The following PIEZO2 variants were observed in gnomAD, a reference collection of about 807,000 sequenced individuals.
PIEZO2 encodes piezo type mechanosensitive ion channel component 2, also known as piezo-type mechanosensitive ion channel component 2.
Under a neutral mutation model 337.3 loss-of-function variants are expected in PIEZO2, and 172 were observed. The observed-to-expected ratio is 0.51, with a 90% confidence interval of 0.45 to 0.58. PIEZO2 has a LOEUF of 0.58. PIEZO2 is among the 20% of genes least tolerant of loss of function. The pLI, the probability that PIEZO2 is intolerant of heterozygous loss-of-function variation, is 0.00. For missense variants in PIEZO2, 3,028 were observed against 3,391.3 expected (o/e 0.89, Z 2.66); for synonymous variants, 1,251 against 1,228.5 (o/e 1.02, Z -0.38).
At chr18:10,893,954 GC>G (rs2042824738) in intron 4 of PIEZO2, among the ~76,000 whole-genome samples, 1 of 152,140 alleles carries the variant, frequency 6.6e-6, no homozygotes, top group South Asian at 2.1e-4. Flanking sequence ...GGAGAGGATT[GC>G]CCCCACCCGC....
At position 10,899,708 on chromosome 18, in the gene PIEZO2, G is replaced by A. The variant is rs1379596793; in HGVS notation, c.329+11478C>T. Among the ~76,000 whole-genome samples, 1 of 152,108 alleles carries A rather than the reference G, an allele frequency of 6.6e-6. No homozygotes were observed. The highest frequency in any genetic ancestry group is 2.4e-5 in the African/African-American group (1 of 41,408). On this transcript the variant is annotated intron_variant, in intron 4 of 55. Coordinates refer to ENST00000674853, the MANE Select transcript of PIEZO2 (RefSeq NM_001378183.1). The surrounding 1 kb of genome is among the most constrained non-coding windows in gnomAD (Gnocchi z 4.6). ...AAACAGCATGAATTTCCTGTCTACT[G>A]TTCATCATGCTGTCTACACCAAGAC...
At chr18:11,087,949 T>C (rs1412080779) in intron 1 of PIEZO2, among the ~76,000 whole-genome samples, 4 of 152,276 alleles carry the variant, frequency 2.6e-5, no homozygotes, top group African/African-American at 9.6e-5. Flanking sequence ...TCTGTTCACC[T>C]TCAAATGAAG....
intron 2 of PIEZO2, among the ~76,000 whole-genome samples, chr18:11,000,562 C>G (rs2035495001): frequency 6.6e-6 from 1 of 152,164 alleles, no homozygotes; most frequent in Admixed American, 6.5e-5. Context: ...CACTCCTTTC[C>G]TCCTTCTAAA....
At chr18:11,019,958 T>C (rs1598838506) in intron 2 of PIEZO2, among the ~76,000 whole-genome samples, 6 of 152,308 alleles carry the variant, frequency 3.9e-5, no homozygotes, top group Admixed American at 3.9e-4. Context: ...GCCGAGCACA[T>C]GTACAATAAG....
intron 36 of PIEZO2, among the ~76,000 whole-genome samples, chr18:10,720,361 TTCTGTGTGTG>T (rs2036222133): frequency 1.5e-5 from 1 of 67,266 alleles, no homozygotes; most frequent in Non-Finnish European, 2.9e-5. Context: ...CCTATATATA[TTCTGTGTGTG>T]TGTGTGTGTG....
At position 10,696,002 on chromosome 18, in the gene PIEZO2, C is replaced by T. The variant is rs1465647300; in HGVS notation, c.7190+72G>A. 10 of 1,406,864 alleles carry T rather than the reference C, an allele frequency of 7.1e-6. No homozygotes were observed. The African/African-American group carries it at 1.4e-4, about 20-fold the overall frequency. The allele number at this position is 1,406,864 out of a possible 1,614,324, so 87.1% of individuals were successfully genotyped here. ...TGGCCAGCAGTTCTGCTGTGCAATGCATGCGAGTATCACCTCAGGAAACAC... is the reference window on the plus strand; with the variant it reads ...TGGCCAGCAGTTCTGCTGTGCAATGTATGCGAGTATCACCTCAGGAAACAC... On this transcript the variant is annotated intron_variant, in intron 47 of 55. Coordinates refer to ENST00000674853, the MANE Select transcript of PIEZO2 (RefSeq NM_001378183.1).
chr18:10,897,877 C>T (rs1273920749), intron 4 of PIEZO2, among the ~76,000 whole-genome samples: 5 of 152,136 alleles, frequency 3.3e-5, no homozygotes, highest in East Asian at 3.9e-4. Context: ...TCCTTTTATA[C>T]AGGAAATGAT....
intron 2 of PIEZO2, among the ~76,000 whole-genome samples, chr18:10,994,584 A>G (rs1453485714): frequency 6.7e-6 from 1 of 149,842 alleles, no homozygotes; most frequent in Admixed American, 6.6e-5. Context: ...TTTTTTTTGT[A>G]TTTTTAGTAG....
rs947937469 is a variant in PIEZO2 at position 10,705,577 on chromosome 18, C to A, written c.5758G>T (p.Ala1920Ser). Residue 1920 changes from alanine to serine, a missense_variant, in exon 41 of 56, where the codon GCC (alanine) becomes TCC (serine). Transcript: ENST00000674853. ...AGCTCTTCCTCTGGGGTGAGGCTGG[C>A]CTCCTCGGCACCCATGGCTCCCACA... Reference protein sequence around the residue: ...YDVGAMGAEEASLTPEEELTQ... With the variant: ...YDVGAMGAEESSLTPEEELTQ... The A allele has an allele frequency of 2.0e-6, 3 of 1,537,218 alleles. No homozygotes were observed. Among genetic ancestry groups the A allele is most frequent in the Non-Finnish European group, 1.7e-6 (2 of 1,146,898 alleles).
At chr18:10,700,247 T>C (rs181687377) in intron 43 of PIEZO2, among the ~76,000 whole-genome samples, 42 of 152,280 alleles carry the variant, frequency 2.8e-4, no homozygotes, top group African/African-American at 9.1e-4. Context: ...TTATCAAATA[T>C]ACAGCAATTT....
chr18:11,072,066 C>A (rs1192846838), intron 1 of PIEZO2, among the ~76,000 whole-genome samples: 2 of 152,112 alleles, frequency 1.3e-5, no homozygotes, highest in African/African-American at 4.8e-5. Context: ...CAGGACCATA[C>A]CCTCCTCCAA....
intron 7 of PIEZO2, among the ~76,000 whole-genome samples, chr18:10,838,321 T>A (rs1335988424): frequency 6.6e-6 from 1 of 152,226 alleles, no homozygotes. Context: ...CATGTTTCCA[T>A]GCCAAACCCA....
At chr18:10,848,826 T>G (rs1409640365) in intron 7 of PIEZO2, among the ~76,000 whole-genome samples, 2 of 152,198 alleles carry the variant, frequency 1.3e-5, no homozygotes, top group Non-Finnish European at 2.9e-5. Flanking sequence ...GAAATAAATC[T>G]ATAGGTTCCA....
At chr18:10,887,736 C>A (rs1173168658) in intron 4 of PIEZO2, among the ~76,000 whole-genome samples, 5 of 152,164 alleles carry the variant, frequency 3.3e-5, no homozygotes, top group Non-Finnish European at 5.9e-5. Context: ...GGGACAACTC[C>A]TCAGTCTTTC....
Position 10,780,345 on chromosome 18 carries a change from G to A in PIEZO2, c.2514C>T (p.Arg838=), listed in dbSNP as rs754519014. The change falls in exon 18 of 56, where the codon CGC becomes CGT. Residue 838 remains arginine, a synonymous_variant. Transcript: ENST00000674853. ...TIYSHAKVNG[R]VYLIINSIKK... ...CCCACCTATTTATTATTAGATATACGCGACCATTGACTTTGGCATGGCTAC... is the reference window on the plus strand; with the variant it reads ...CCCACCTATTTATTATTAGATATACACGACCATTGACTTTGGCATGGCTAC... The A allele has an allele frequency of 3.1e-5, 22 of 702,742 alleles. No individual in the cohort carries two copies. The highest frequency in any genetic ancestry group is 1.6e-4 in the African/African-American group (9 of 57,218). 43.5% of individuals were successfully genotyped at this position (702,742 alleles called of 1,614,324 possible).
rs538916322 is a variant in PIEZO2 at position 10,857,465 on chromosome 18, CT to C, written c.493-255del. 9.6e-3 allele frequency among the ~76,000 whole-genome samples: 1,398 copies of C among 145,610 alleles called. 15 individuals are homozygous for C. The highest frequency in any genetic ancestry group is 0.022 in the African/African-American group (879 of 39,940). On this transcript the variant is annotated intron_variant, in intron 5 of 55. Transcript: ENST00000674853. ...TAACATGTCATATTCCCTATTTGTGCTTTTTTTTTTTAATAAGCAAAGAAGA... is the reference window on the plus strand; with the variant it reads ...TAACATGTCATATTCCCTATTTGTGCTTTTTTTTTTAATAAGCAAAGAAGA...
rs540425795 is a variant in PIEZO2, at chr18:10,926,267, C to T, written c.287-15039G>A. On this transcript the variant is annotated intron_variant, in intron 3 of 55. Coordinates refer to ENST00000674853, the MANE Select transcript of PIEZO2 (RefSeq NM_001378183.1). Reference sequence around the variant, plus strand: ...GCAGCTGCTCGGGATCTCTACCCAACTCCACATTCAGCGGCGTCACGTTCA... The same window carrying T: ...GCAGCTGCTCGGGATCTCTACCCAATTCCACATTCAGCGGCGTCACGTTCA... Among the ~76,000 whole-genome samples the T allele has an allele frequency of 7.9e-5, 12 of 152,346 alleles. 1 individual carries two copies. The South Asian group carries it at 2.5e-3, about 32-fold the overall frequency.
intron 45 of PIEZO2, 82 bp from the exon 46 acceptor site, chr18:10,696,621 G>A (rs2035100926): frequency 6.8e-7 from 1 of 1,480,880 alleles, no homozygotes; most frequent in Non-Finnish European, 9.3e-7. Context: ...CTGCCATCAT[G>A]CCACTCCTCT....
chr18:10,834,035 G>C lies in PIEZO2; in HGVS notation c.917+21318C>G, dbSNP rs1390252116. Among the ~76,000 whole-genome samples the C allele has an allele frequency of 6.6e-6, 1 of 152,158 alleles. No homozygotes were observed. Among genetic ancestry groups the C allele is most frequent in the African/African-American group, 2.4e-5 (1 of 41,428 alleles). On this transcript the variant is annotated intron_variant, in intron 7 of 55. Transcript: ENST00000674853. The surrounding 1 kb of genome is among the most constrained non-coding windows in gnomAD (Gnocchi z 4.5). ...GCTAATTTCTGTTTTTATTTTTTAT[G>C]GGTAAGTGTATATGGGGCACAGGTG...
Sources: gnomAD v4.1 joint callset for allele counts (sites outside exome capture counted in the v4.1 genomes callset) on GRCh38, gnomAD v4.1.1 for gene constraint, Gnocchi (gnomAD v3.1) non-coding constraint, MANE v1.5 for transcripts, NCBI Gene and HGNC (gene_info 2026-07-23, HGNC 2026-07-21) for gene names.